KLHL1: variants seen among roughly 807,000 people sequenced by gnomAD.
KLHL1 encodes kelch like family member 1.
Under a neutral mutation model 77.7 loss-of-function variants are expected in KLHL1, and 47 were observed. The ratio of observed to expected loss-of-function variants is 0.60; its 90% CI spans 0.48 to 0.77. The LOEUF (loss-of-function observed/expected upper bound fraction) is 0.77, where lower values mean the gene tolerates loss of function less well. KLHL1 is among the 30% of genes least tolerant of loss of function. KLHL1 has a pLI of 0.00. For synonymous variants in KLHL1, 360 were observed against 325.2 expected (o/e 1.11, Z -1.15); for missense variants, 925 against 910.8 (o/e 1.02, Z -0.20).
chr13:69,872,505 C>A (rs1880622028), intron 5 of KLHL1, among the ~76,000 whole-genome samples: 1 of 152,090 alleles, frequency 6.6e-6, no homozygotes. Context: ...CCATAATACA[C>A]AATCCATGTG....
At chr13:69,981,088 T>C (rs769334772) in intron 1 of KLHL1, among the ~76,000 whole-genome samples, 1 of 152,148 alleles carries the variant, frequency 6.6e-6, no homozygotes, top group Non-Finnish European at 1.5e-5. Flanking sequence ...GTGGCATAAA[T>C]TGTAATTTTT....
chr13:69,943,141 C>T (rs1354286871), intron 3 of KLHL1, among the ~76,000 whole-genome samples: 1 of 151,924 alleles, frequency 6.6e-6, no homozygotes, highest in African/African-American at 2.4e-5. Flanking sequence ...TTGTACCCTG[C>T]TCCATCATGA....
intron 6 of KLHL1, among the ~76,000 whole-genome samples, chr13:69,829,948 G>C (rs993691022): frequency 6.7e-6 from 1 of 149,892 alleles, no homozygotes; most frequent in Non-Finnish European, 1.5e-5. Context: ...CTGCTAAAAG[G>C]AGTTCTAAAT....
chr13:69,804,660 G>GAA (rs1877538732), intron 6 of KLHL1, among the ~76,000 whole-genome samples: 1 of 152,024 alleles, frequency 6.6e-6, no homozygotes, highest in Admixed American at 6.6e-5. Flanking sequence ...GTGGCAGTGA[G>GAA]AAAATAACCA....
Position 69,882,409 on chromosome 13 carries a change from G to C in KLHL1, c.1101C>G (p.Val367=), listed in dbSNP as rs772118358. ...ELHKLLASDD[V]NVPDEETIFH... is the part of the protein sequence containing the mutation. ...AGATGGTTTCTTCATCAGGAACATTGACATCATCACTGGCCAGTAGTTTAT... is the reference window on the plus strand; with the variant it reads ...AGATGGTTTCTTCATCAGGAACATTCACATCATCACTGGCCAGTAGTTTAT... Residue 367 remains valine, a synonymous_variant, in exon 5 of 11, where the codon GTC becomes GTG. Coordinates refer to ENST00000377844, the MANE Select transcript of KLHL1 (RefSeq NM_020866.3). 3 of 1,613,534 alleles carry C rather than the reference G, an allele frequency of 1.9e-6. No homozygotes were observed. The highest frequency in any genetic ancestry group is 2.5e-6 in the Non-Finnish European group (3 of 1,179,620).
chr13:69,875,978 G>A (rs1424333441), intron 5 of KLHL1, among the ~76,000 whole-genome samples: 1 of 151,890 alleles, frequency 6.6e-6, no homozygotes, highest in Admixed American at 6.6e-5. Flanking sequence ...CATTGAAAAA[G>A]TAACAATGAT....
intron 4 of KLHL1, among the ~76,000 whole-genome samples, chr13:69,885,988 T>TAGTGTA (rs755971577): frequency 1.3e-4 from 20 of 152,126 alleles, no homozygotes; most frequent in Non-Finnish European, 1.8e-4. Flanking sequence ...GAGTATAGTA[T>TAGTGTA]GTGATGCCAT....
rs367754537 is a variant in KLHL1, at chr13:69,859,200, C to T, written c.1228-20038G>A. Among the ~76,000 whole-genome samples the T allele has an allele frequency of 1.6e-4, 25 of 151,958 alleles. No homozygotes were observed. In the South Asian group the frequency reaches 5.2e-3, roughly 32 times the overall value. ...ATACCTTCTGACTGGTGTATCTGCTCCCATTCTTCTTTTTAGGGCTGCTTA... is the reference window on the plus strand; with the variant it reads ...ATACCTTCTGACTGGTGTATCTGCTTCCATTCTTCTTTTTAGGGCTGCTTA... On this transcript the variant is annotated intron_variant, in intron 5 of 10. Transcript: ENST00000377844.
intron 1 of KLHL1, among the ~76,000 whole-genome samples, chr13:70,098,676 A>C (rs943172870): frequency 1.3e-5 from 2 of 151,874 alleles, no homozygotes; most frequent in African/African-American, 4.8e-5. Flanking sequence ...AATTGTCATC[A>C]AGAGGTGGAG....
intron 5 of KLHL1, among the ~76,000 whole-genome samples, chr13:69,860,056 T>C (rs1880075487): frequency 6.6e-6 from 1 of 152,092 alleles, no homozygotes; most frequent in Admixed American, 6.6e-5. Context: ...AATCTTATCA[T>C]TAGTTTGAAG....
chr13:69,800,313 A>C (rs1041458928), intron 6 of KLHL1, among the ~76,000 whole-genome samples: 5 of 152,168 alleles, frequency 3.3e-5, no homozygotes, highest in African/African-American at 9.7e-5. Flanking sequence ...TTTCTGTGTA[A>C]CATAACATAT....
intron 8 of KLHL1, among the ~76,000 whole-genome samples, chr13:69,728,794 C>T (rs568975100): frequency 2.0e-3 from 307 of 151,266 alleles, no homozygotes; most frequent in Non-Finnish European, 3.7e-3. Context: ...GGTGACAGAG[C>T]GAGACTCCAT....
In KLHL1 at chr13:69,851,477, T is replaced by G. The variant is rs1879687958; in HGVS notation, c.1228-12315A>C. ...TTTTGAAAGAAACACTTACTTGATC[T>G]GTATCACTGGATTAATTGGAGACAT... On this transcript the variant is annotated intron_variant, in intron 5 of 10. Coordinates refer to ENST00000377844, the MANE Select transcript of KLHL1 (RefSeq NM_020866.3). Among the ~76,000 whole-genome samples the G allele has an allele frequency of 3.3e-5, 5 of 151,806 alleles. 1 individual carries two copies. In the South Asian group the frequency reaches 1.0e-3, roughly 31 times the overall value.
At chr13:70,013,472 G>GT (rs1885586045) in intron 1 of KLHL1, among the ~76,000 whole-genome samples, 1 of 152,136 alleles carries the variant, frequency 6.6e-6, no homozygotes, top group Admixed American at 6.6e-5. Flanking sequence ...AAAGGGCAAG[G>GT]TGATAGTGTA....
intron 7 of KLHL1, among the ~76,000 whole-genome samples, chr13:69,752,867 T>C (rs976648702): frequency 3.9e-5 from 6 of 152,210 alleles, no homozygotes; most frequent in Admixed American, 2.6e-4. Flanking sequence ...TGCTCACTCA[T>C]AACTGAATAC....
intron 1 of KLHL1, among the ~76,000 whole-genome samples, chr13:70,029,240 T>A (rs1415924204): frequency 1.3e-5 from 2 of 152,064 alleles, no homozygotes; most frequent in Non-Finnish European, 2.9e-5. Context: ...TGTTAGGGTG[T>A]TTTCACTGGA....
rs569865026 is a variant in KLHL1, at chr13:70,047,063, A to AACCAAACCTTGCAACCAAACCC, written c.497+60118_497+60139dup. On this transcript the variant is annotated intron_variant, in intron 1 of 10. Coordinates refer to ENST00000377844, the MANE Select transcript of KLHL1 (RefSeq NM_020866.3). ...TGTATTGAGATAATACAACCAAACC[A>AACCAAACCTTGCAACCAAACCC]ACCAAACCTTGCAACCAAACCCAAC... is the stretch of plus-strand genomic sequence containing the variant. Among the ~76,000 whole-genome samples, 69 of 152,208 alleles carry AACCAAACCTTGCAACCAAACCC rather than the reference A, an allele frequency of 4.5e-4. 2 individuals are homozygous for AACCAAACCTTGCAACCAAACCC. The East Asian group carries it at 0.013, about 28-fold the overall frequency.
intron 8 of KLHL1, among the ~76,000 whole-genome samples, 174 bp from the exon 9 acceptor site, chr13:69,719,755 T>C (rs1214153574): frequency 6.6e-6 from 1 of 151,914 alleles, no homozygotes; most frequent in Non-Finnish European, 1.5e-5. Context: ...ATACTAGAAA[T>C]TTCTATTTTT....
At chr13:69,707,508 A>G (rs1875677539) in intron 10 of KLHL1, 117 bp downstream of exon 10, 1 of 867,620 alleles carries the variant, frequency 1.2e-6, no homozygotes, top group Non-Finnish European at 1.7e-6. Context: ...GGATAAAAAC[A>G]ATCATTTTTG....
Sources: gnomAD v4.1 joint callset for allele counts (sites outside exome capture counted in the v4.1 genomes callset) on GRCh38, gnomAD v4.1.1 for gene constraint, MANE v1.5 for transcripts, NCBI Gene and HGNC (gene_info 2026-07-23, HGNC 2026-07-21) for gene names.